Variants in P2RX7 observed in about 807,000 individuals in gnomAD.
P2RX7 encodes P2X purinoceptor 7.
P2RX7 carries 62 observed loss-of-function variants against 71.6 expected under a neutral mutation model. That is an observed-to-expected ratio of 0.87 (90% CI 0.71 to 1.07). The LOEUF is 1.07. Among genes scored for constraint, P2RX7 ranks in the 50% least tolerant of loss-of-function variants. The pLI is 0.00. For missense variants in P2RX7, 686 were observed against 748.5 expected, an observed-to-expected ratio of 0.92 and a Z score of 0.97; for synonymous variants, 299 against 283.3, an observed-to-expected ratio of 1.06 and a Z score of -0.56.
intron 9 of P2RX7, among the ~76,000 whole-genome samples, chr12:121,176,100 A>G (rs959639630): frequency 6.6e-6 from 1 of 152,140 alleles, no homozygotes; most frequent in Admixed American, 6.6e-5. Context: ...TTGGCCCACT[A>G]TGGATGACAT....
chr12:121,168,177 A>G (rs1881495630), intron 8 of P2RX7, among the ~76,000 whole-genome samples: 1 of 152,122 alleles, frequency 6.6e-6, no homozygotes, highest in African/African-American at 2.4e-5. Context: ...CAGCCACTCA[A>G]AATTCTTTGT....
At chr12:121,156,989 A>AAAAAC (rs1295052944) in intron 3 of P2RX7, among the ~76,000 whole-genome samples, 4 of 152,310 alleles carry the variant, frequency 2.6e-5, no homozygotes, top group Admixed American at 1.3e-4. Flanking sequence ...CCTTGTCTCT[A>AAAAAC]AAAACAAAAC....
Position 121,154,834 on chromosome 12 carries a change from A to G in P2RX7, c.175A>G (p.Ser59Gly), listed in dbSNP as rs1878225176. 1 of 1,614,182 alleles carries G rather than the reference A, an allele frequency of 6.2e-7. No homozygotes were observed. Among genetic ancestry groups the G allele is most frequent in the Non-Finnish European group, 8.5e-7 (1 of 1,180,008 alleles). The change falls in exon 2 of 13, where the codon AGT becomes GGT. Residue 59 changes from serine (S) to glycine (G), a missense_variant. Ser to Gly is a moderately conservative substitution (Grantham distance 56). Transcript: ENST00000328963. This position sits in a 1 kb window ranked among gnomAD's most constrained non-coding sequence, Gnocchi z 4.2. ...KLYQRKEPVI[S>G]SVHTKVKGIA... Reference sequence around the variant, plus strand: ...GTACCAGCGGAAAGAGCCTGTCATCAGTTCTGTGCACACCAAGGTGAAGGG... The same window carrying G: ...GTACCAGCGGAAAGAGCCTGTCATCGGTTCTGTGCACACCAAGGTGAAGGG...
chr12:121,136,439 C>T (rs919712401), intron 1 of P2RX7, among the ~76,000 whole-genome samples: 61 of 151,822 alleles, frequency 4.0e-4, no homozygotes, highest in African/African-American at 1.4e-3. Context: ...CCGCCTCATC[C>T]TCCCAAGTAG....
intron 11 of P2RX7, among the ~76,000 whole-genome samples, chr12:121,179,514 A>C (rs1249738067): frequency 2.0e-5 from 3 of 151,846 alleles, no homozygotes; most frequent in Admixed American, 1.3e-4. Flanking sequence ...AAAAAAAAAA[A>C]AACAAAGACG....
At chr12:121,133,783 C>T (rs886292100) in intron 1 of P2RX7, among the ~76,000 whole-genome samples, 17 of 152,184 alleles carry the variant, frequency 1.1e-4, no homozygotes, top group Admixed American at 2.6e-4. Flanking sequence ...ATGGATTTGC[C>T]GATTCTGGAC....
At chr12:121,147,085 T>A (rs578165648) in intron 1 of P2RX7, among the ~76,000 whole-genome samples, 1 of 152,138 alleles carries the variant, frequency 6.6e-6, no homozygotes, top group African/African-American at 2.4e-5. Context: ...ACCACAAAAA[T>A]TAATTGTGTG....
intron 2 of P2RX7, 146 bp downstream of exon 2, chr12:121,155,099 C>A: frequency 6.8e-7 from 1 of 1,477,336 alleles, no homozygotes; most frequent in East Asian, 2.4e-5. Context: ...CTGAGAAAAC[C>A]TAAAAATTGC....
intron 5 of P2RX7, 136 bp downstream of exon 5, chr12:121,162,656 T>TACCGG: frequency 1.1e-6 from 1 of 929,802 alleles, no homozygotes; most frequent in Non-Finnish European, 1.6e-6. Flanking sequence ...ACCCCTGCGC[T>TACCGG]CTGGATGCAC....
chr12:121,155,023 T>C, intron 2 of P2RX7, 70 bp downstream of exon 2: 1 of 1,591,594 alleles, frequency 6.3e-7, no homozygotes. Context: ...TCCCTTCCCC[T>C]AGGATCTACA....
At chr12:121,136,042 A>ATATATATATATAT (rs1873556961) in intron 1 of P2RX7, among the ~76,000 whole-genome samples, 1 of 108,654 alleles carries the variant, frequency 9.2e-6, no homozygotes, top group Non-Finnish European at 1.9e-5. Context: ...ATATATATAT[A>ATATATATATATAT]GTATTTTTAG....
chr12:121,140,070 C>G (rs183829510), intron 1 of P2RX7, among the ~76,000 whole-genome samples: 2 of 152,334 alleles, frequency 1.3e-5, no homozygotes, highest in East Asian at 3.9e-4. Context: ...AGCAGGAGGT[C>G]TGCCACATTC....
In P2RX7 at chr12:121,177,474, A is replaced by G. The variant is rs769591920; in HGVS notation, c.1188+28A>G. 2.8e-5 allele frequency: 45 copies of G among 1,606,764 alleles called. No homozygotes were observed. In the South Asian group the frequency reaches 4.5e-4, roughly 16 times the overall value. Reference sequence around the variant, plus strand: ...GAGGCCGCTGTGTTCACAGGACACCAAGACATGGAGAGATTCCATGAAATC... The same window carrying G: ...GAGGCCGCTGTGTTCACAGGACACCGAGACATGGAGAGATTCCATGAAATC... On this transcript the variant is annotated intron_variant, in intron 11 of 12. Coordinates refer to ENST00000328963, the MANE Select transcript of P2RX7 (RefSeq NM_002562.6).
chr12:121,160,889 C>T lies in P2RX7; in HGVS notation c.364-13C>T. 1 of 1,607,946 alleles carries T rather than the reference C, an allele frequency of 6.2e-7. No individual in the cohort carries two copies. The highest frequency in any genetic ancestry group is 1.1e-5 in the South Asian group (1 of 90,962). On this transcript the variant is annotated splice_polypyrimidine_tract_variant and intron_variant, in intron 3 of 12. Coordinates refer to ENST00000328963, the MANE Select transcript of P2RX7 (RefSeq NM_002562.6). ...GTCACTTACTCCCCACTCTGTCATC[C>T]TTCTATCTGCAGTATCCCACCCGCA...
rs1208036037 is a variant in P2RX7 at position 121,136,019 on chromosome 12, A to T, written c.125+2924A>T. On this transcript the variant is annotated intron_variant, in intron 1 of 12. Transcript: ENST00000328963. ...ACTCTGTCTCAAAAAAAAAAAAAAA[A>T]AAAAATATATATATATATATATAGT... 9.2e-3 allele frequency among the ~76,000 whole-genome samples: 165 copies of T among 17,840 alleles called. 6 individuals are homozygous for T. Among genetic ancestry groups the T allele is most frequent in the South Asian group, 0.022 (4 of 178 alleles). 11.7% of individuals were successfully genotyped at this position (17,840 alleles called of 152,430 possible). A position where few individuals can be genotyped will look rare whatever the true frequency, so the allele number is the denominator to read the frequency against.
chr12:121,176,751 CAAA>C (rs34853051), intron 9 of P2RX7, among the ~76,000 whole-genome samples: 4 of 68,772 alleles, frequency 5.8e-5, no homozygotes, highest in African/African-American at 5.4e-5. Flanking sequence ...GACTCTGTCT[CAAA>C]AAAAAAAAAA....
chr12:121,161,789 T>TAA lies in P2RX7; in HGVS notation c.437-621_437-620dup, dbSNP rs11443206. On this transcript the variant is annotated intron_variant, in intron 4 of 12. Transcript: ENST00000328963. ...CATGGGTGACAGAGCGAGACCCCTTTAAAAAAAAAAAAAAAGGCACAGGGC... is the reference window on the plus strand; with the variant it reads ...CATGGGTGACAGAGCGAGACCCCTTTAAAAAAAAAAAAAAAAAGGCACAGGGC... Among the ~76,000 whole-genome samples, 479 of 119,532 alleles carry TAA rather than the reference T, an allele frequency of 4.0e-3. 8 individuals are homozygous for TAA. Among genetic ancestry groups the TAA allele is most frequent in the African/African-American group, 0.012 (410 of 33,366 alleles). The allele number at this position is 119,532 out of a possible 152,430, so 78.4% of individuals were successfully genotyped here.
chr12:121,181,010 T>A (rs992263467), intron 12 of P2RX7, among the ~76,000 whole-genome samples: 6 of 151,312 alleles, frequency 4.0e-5, no homozygotes, highest in African/African-American at 1.5e-4. Context: ...ACAAACGAGG[T>A]CTCACTATGT....
intron 11 of P2RX7, among the ~76,000 whole-genome samples, chr12:121,178,898 A>G (rs796647438): frequency 1.2e-4 from 19 of 152,044 alleles, no homozygotes; most frequent in African/African-American, 4.6e-4. Flanking sequence ...GTTATATGAT[A>G]TATAGGTTAA....
Sources: gnomAD v4.1 joint callset for allele counts (sites outside exome capture counted in the v4.1 genomes callset) on GRCh38, gnomAD v4.1.1 for gene constraint, Gnocchi (gnomAD v3.1) non-coding constraint, MANE v1.5 for transcripts, NCBI Gene and HGNC (gene_info 2026-07-23, HGNC 2026-07-21) for gene names.